The following SEMA3E variants were observed in gnomAD, a reference collection of about 807,000 sequenced individuals.
The protein encoded by SEMA3E is semaphorin-3E.
A neutral mutation model predicts 93.6 loss-of-function variants in SEMA3E; 49 were observed. That is an observed-to-expected ratio of 0.52 (90% CI 0.42 to 0.66). The LOEUF is 0.66. Among genes scored for constraint, SEMA3E ranks in the 30% least tolerant of loss-of-function variants. SEMA3E has a pLI of 0.00. For missense variants in SEMA3E, 906 were observed against 964.8 expected, an observed-to-expected ratio of 0.94 and a Z score of 0.81; for synonymous variants, 363 against 330.7, an observed-to-expected ratio of 1.10 and a Z score of -1.06.
intron 1 of SEMA3E, among the ~76,000 whole-genome samples, chr7:83,644,814 A>C (rs1794059205): frequency 2.0e-5 from 3 of 151,976 alleles, no homozygotes; most frequent in Admixed American, 6.6e-5. Flanking sequence ...CCATGTTTAA[A>C]TCTACATGTA....
chr7:83,464,143 T>TA (rs1789699773), intron 4 of SEMA3E, among the ~76,000 whole-genome samples: 1 of 151,986 alleles, frequency 6.6e-6, no homozygotes, highest in South Asian at 2.1e-4. Context: ...TTATATCCCT[T>TA]ACGGTCCTCC....
chr7:83,453,538 T>A (rs1229116263), intron 4 of SEMA3E, among the ~76,000 whole-genome samples: 4 of 151,908 alleles, frequency 2.6e-5, no homozygotes, highest in African/African-American at 9.7e-5. Context: ...ATACAGTAAT[T>A]AGTCTGCAGA....
intron 4 of SEMA3E, among the ~76,000 whole-genome samples, chr7:83,453,176 C>T (rs1218901462): frequency 6.6e-6 from 1 of 151,940 alleles, no homozygotes; most frequent in African/African-American, 2.4e-5. Context: ...TACAGGGGCC[C>T]ACCACCACGC....
At chr7:83,619,896 T>TAGACAGACAGACAGAC (rs1460148925) in intron 1 of SEMA3E, among the ~76,000 whole-genome samples, 2 of 119,566 alleles carry the variant, frequency 1.7e-5, no homozygotes, top group Non-Finnish European at 3.6e-5. Context: ...GATAGATAGA[T>TAGACAGACAGACAGAC]AGATAGACAG....
At chr7:83,476,891 A>G (rs1790022576) in intron 2 of SEMA3E, among the ~76,000 whole-genome samples, 2 of 152,326 alleles carry the variant, frequency 1.3e-5, no homozygotes, top group South Asian at 4.1e-4. Flanking sequence ...AATACACATC[A>G]TTTCATCACA....
At chr7:83,484,035 T>C (rs966287419) in intron 2 of SEMA3E, among the ~76,000 whole-genome samples, 2 of 152,162 alleles carry the variant, frequency 1.3e-5, no homozygotes, top group African/African-American at 4.8e-5. Context: ...AACCCATCTG[T>C]GAAATCCTTT....
At chr7:83,636,591 T>C (rs1793887126) in intron 1 of SEMA3E, among the ~76,000 whole-genome samples, 1 of 152,188 alleles carries the variant, frequency 6.6e-6, no homozygotes, top group South Asian at 2.1e-4. Flanking sequence ...TAATTGTGAA[T>C]TTGTAGTAAT....
At chr7:83,537,806 C>G (rs1265800241) in intron 1 of SEMA3E, among the ~76,000 whole-genome samples, 1 of 152,118 alleles carries the variant, frequency 6.6e-6, no homozygotes, top group Non-Finnish European at 1.5e-5. Flanking sequence ...ATTTCCATCA[C>G]CTCTAAAAGA....
intron 2 of SEMA3E, among the ~76,000 whole-genome samples, chr7:83,480,665 T>C (rs1790126146): frequency 6.6e-6 from 1 of 152,190 alleles, no homozygotes; most frequent in Non-Finnish European, 1.5e-5. Context: ...TTCTATGAAT[T>C]GCTTTTTTAG....
At chr7:83,616,288 T>C (rs1432581505) in intron 1 of SEMA3E, among the ~76,000 whole-genome samples, 1 of 152,162 alleles carries the variant, frequency 6.6e-6, no homozygotes, top group Non-Finnish European at 1.5e-5. Flanking sequence ...CTAGGGCAAT[T>C]GTCATTCATG....
chr7:83,610,809 A>ACTAACC (rs2115581270), intron 1 of SEMA3E, among the ~76,000 whole-genome samples: 1 of 152,164 alleles, frequency 6.6e-6, no homozygotes, highest in South Asian at 2.1e-4. Flanking sequence ...TTCAGAAGAC[A>ACTAACC]CTAACCCTGC....
intron 11 of SEMA3E, among the ~76,000 whole-genome samples, 177 bp from the exon 12 acceptor site, chr7:83,396,906 C>T (rs901829265): frequency 2.0e-5 from 3 of 151,900 alleles, no homozygotes; most frequent in Non-Finnish European, 2.9e-5. Context: ...AGGCAAAACC[C>T]TGTCTCTACT....
chr7:83,606,136 G>A (rs1375257191), intron 1 of SEMA3E, among the ~76,000 whole-genome samples: 3 of 152,164 alleles, frequency 2.0e-5, no homozygotes, highest in African/African-American at 4.8e-5. Flanking sequence ...TGTACTTGAC[G>A]ACAAAATTGA....
chr7:83,435,332 G>A (rs1402647296), intron 4 of SEMA3E, among the ~76,000 whole-genome samples: 3 of 152,106 alleles, frequency 2.0e-5, no homozygotes, highest in Non-Finnish European at 4.4e-5. Flanking sequence ...AGTGGCTCAC[G>A]CCTGTAATCC....
intron 4 of SEMA3E, among the ~76,000 whole-genome samples, chr7:83,443,456 C>T (rs1259224076): frequency 6.6e-6 from 1 of 152,162 alleles, no homozygotes; most frequent in African/African-American, 2.4e-5. Context: ...CTGATGTATT[C>T]AACCAAGGCT....
chr7:83,564,436 A>T (rs1211102434), intron 1 of SEMA3E, among the ~76,000 whole-genome samples: 2 of 151,590 alleles, frequency 1.3e-5, no homozygotes, highest in Non-Finnish European at 2.9e-5. Context: ...GAAAAAAAAA[A>T]TCTTGAAAAC....
rs199840463 is a variant in SEMA3E at position 83,367,970 on chromosome 7, A to G, written c.1944T>C (p.Asp648=). 1.5e-5 allele frequency: 25 copies of G among 1,613,858 alleles called. No homozygotes were observed. The highest frequency in any genetic ancestry group is 6.7e-5 in the Admixed American group (4 of 59,962). The change falls in exon 17 of 17, where the codon GAT becomes GAC. Residue 648 remains aspartate, a synonymous_variant. Coordinates refer to ENST00000643230, the MANE Select transcript of SEMA3E (RefSeq NM_012431.3). ...GLLFLRLHKS[D]AGTYFCQTVE... Reference sequence around the variant, plus strand: ...CTGTCTGGCAAAAATAGGTCCCAGCATCTGATTTGTGTAACCTTAGGAAGA... The same window carrying G: ...CTGTCTGGCAAAAATAGGTCCCAGCGTCTGATTTGTGTAACCTTAGGAAGA...
Position 83,405,397 on chromosome 7 carries a change from G to A in SEMA3E, c.998+53C>T, listed in dbSNP as rs181524086. ...TATATACACCATGAAGGGAGAGTCC[G>A]GTGAGGCATCTCTTGTTCTATATTG... On this transcript the variant is annotated intron_variant, in intron 9 of 16. Coordinates refer to ENST00000643230, the MANE Select transcript of SEMA3E (RefSeq NM_012431.3). 33 of 1,271,558 alleles carry A rather than the reference G, an allele frequency of 2.6e-5. No individual in the cohort carries two copies. The East Asian group carries it at 4.2e-4, about 16-fold the overall frequency. 78.8% of individuals were successfully genotyped at this position (1,271,558 alleles called of 1,614,324 possible).
intron 2 of SEMA3E, among the ~76,000 whole-genome samples, chr7:83,477,239 A>G (rs1241322213): frequency 1.3e-5 from 2 of 152,118 alleles, no homozygotes; most frequent in African/African-American, 4.8e-5. Flanking sequence ...ATATATTTTA[A>G]GTGACTAAGC....
Sources: allele counts gnomAD v4.1 joint callset (sites outside exome capture counted in the v4.1 genomes callset), GRCh38; gene constraint gnomAD v4.1.1; transcripts MANE v1.5; gene names NCBI Gene and HGNC (gene_info 2026-07-23, HGNC 2026-07-21).